PRKN: variants seen among roughly 807,000 people sequenced by gnomAD.
PRKN encodes the protein E3 ubiquitin-protein ligase parkin.
A neutral mutation model predicts 59.5 loss-of-function variants in PRKN; 56 were observed. The observed-to-expected ratio is 0.94, with a 90% CI of 0.76 to 1.18. PRKN has a LOEUF of 1.18. Ranked by LOEUF, PRKN falls within the 50% of genes most tolerant of loss-of-function variation. The probability of loss-of-function intolerance (pLI) is 0.00; values close to 1 mark genes in which losing one functional copy is unlikely to be tolerated. For missense variants in PRKN, 657 were observed against 596.4 expected, an observed-to-expected ratio of 1.10 and a Z score of -1.06; for synonymous variants, 250 against 222.1, an observed-to-expected ratio of 1.13 and a Z score of -1.12.
intron 3 of PRKN, among the ~76,000 whole-genome samples, chr6:162,241,874 T>G (rs1189446689): frequency 6.6e-6 from 1 of 152,048 alleles, no homozygotes; most frequent in African/African-American, 2.4e-5. Context: ...TCACTTTAGT[T>G]CTAGTAAAGT....
intron 2 of PRKN, among the ~76,000 whole-genome samples, chr6:162,333,607 A>G (rs1234894861): frequency 6.6e-6 from 1 of 152,174 alleles, no homozygotes; most frequent in East Asian, 1.9e-4. Flanking sequence ...TCCGACTGAT[A>G]CGCCAACTGC....
chr6:161,788,875 G>A (rs1314457898), intron 6 of PRKN, among the ~76,000 whole-genome samples: 1 of 152,060 alleles, frequency 6.6e-6, no homozygotes, highest in Non-Finnish European at 1.5e-5. Flanking sequence ...CAGTCAACTT[G>A]GATATATACC....
rs73605102 is a variant in PRKN, at chr6:161,383,291, T to A, written c.1167+3503A>T. On this transcript the variant is annotated intron_variant, in intron 10 of 11. Transcript: ENST00000366898. ...GGGTCATGAAATTTGAAGAAATAGC[T>A]TGTTTGGTTCGTGCCTTCCCACATC... Among the ~76,000 whole-genome samples, 1,372 of 152,334 alleles carry A rather than the reference T, an allele frequency of 9.0e-3. 22 individuals carry two copies. The highest frequency in any genetic ancestry group is 0.031 in the African/African-American group (1,281 of 41,564).
intron 1 of PRKN, among the ~76,000 whole-genome samples, chr6:162,586,129 G>A (rs117898491): frequency 0.013 from 2,000 of 152,256 alleles, 18 homozygotes; most frequent in Non-Finnish European, 0.022. Flanking sequence ...GAGGAGCCAG[G>A]ATTCACCCCC....
intron 4 of PRKN, among the ~76,000 whole-genome samples, chr6:162,165,585 G>C (rs1196672473): frequency 6.7e-6 from 1 of 149,622 alleles, no homozygotes; most frequent in Non-Finnish European, 1.5e-5. Context: ...GAGTCTGAAT[G>C]GAATGCCAGT....
rs1313080950 is a variant in PRKN at position 161,428,135 on chromosome 6, T to TG, written c.1084-41259dup. Among the ~76,000 whole-genome samples the TG allele has an allele frequency of 6.6e-6, 1 of 152,150 alleles. No homozygotes were observed. The highest frequency in any genetic ancestry group is 1.9e-4 in the East Asian group (1 of 5,190). ...CCTGCATCTTCTGGCACTTGCACTG[T>TG]GGGGGCCTTCCTCAAAGCCGTGCGC... is the stretch of plus-strand genomic sequence containing the variant. On this transcript the variant is annotated intron_variant, in intron 9 of 11. Coordinates refer to ENST00000366898, the MANE Select transcript of PRKN (RefSeq NM_004562.3). This position sits in a 1 kb window ranked among gnomAD's most constrained non-coding sequence, Gnocchi z 4.0.
chr6:161,894,893 A>G (rs755349657), intron 6 of PRKN, among the ~76,000 whole-genome samples: 2 of 152,184 alleles, frequency 1.3e-5, no homozygotes, highest in Non-Finnish European at 2.9e-5. Flanking sequence ...GTCCTGTTCT[A>G]AAGTCTAATT....
chr6:162,338,770 C>T (rs912308785), intron 2 of PRKN, among the ~76,000 whole-genome samples: 32 of 149,474 alleles, frequency 2.1e-4, no homozygotes, highest in East Asian at 6.2e-4. Flanking sequence ...AAGTGAGGAG[C>T]GTCTCCGCCC....
chr6:162,690,175 C>A (rs1312148281), intron 1 of PRKN, among the ~76,000 whole-genome samples: 1 of 151,698 alleles, frequency 6.6e-6, no homozygotes. Context: ...AACGAGTAAC[C>A]TCGCTTTAGC....
At chr6:162,584,631 A>G (rs982752657) in intron 1 of PRKN, among the ~76,000 whole-genome samples, 11 of 152,106 alleles carry the variant, frequency 7.2e-5, no homozygotes, top group Non-Finnish European at 1.3e-4. Context: ...AAATTAAGGG[A>G]AAAAAGCCAG....
chr6:162,422,976 A>AG (rs1345743121), intron 2 of PRKN, among the ~76,000 whole-genome samples: 4 of 151,106 alleles, frequency 2.6e-5, no homozygotes, highest in African/African-American at 7.3e-5. Flanking sequence ...AAAAAAAAAA[A>AG]AGCATCATAA....
intron 2 of PRKN, among the ~76,000 whole-genome samples, chr6:162,416,725 TACTG>T (rs554117390): frequency 1.9e-3 from 288 of 152,308 alleles, no homozygotes; most frequent in Non-Finnish European, 3.2e-3. Flanking sequence ...CTTACCTACT[TACTG>T]ACACGTGATT....
At chr6:162,359,059 C>CAAAAAAAAAAA (rs71692740) in intron 2 of PRKN, among the ~76,000 whole-genome samples, 3 of 92,634 alleles carry the variant, frequency 3.2e-5, no homozygotes, top group African/African-American at 1.5e-4. Flanking sequence ...CACACTGTGG[C>CAAAAAAAAAAA]AAAAAAAAAA....
chr6:162,230,361 G>A (rs1778370335), intron 3 of PRKN, among the ~76,000 whole-genome samples: 1 of 152,188 alleles, frequency 6.6e-6, no homozygotes. Flanking sequence ...CCAGCTCCTT[G>A]GCTAGAAGCA....
rs1375002872 is a variant in PRKN at position 161,548,966 on chromosome 6, A to G, written c.971T>C (p.Val324Ala). ...GCATAACACGCCCCCCATCTGCAGG[A>G]CACACTCCTCTGCACCATACTGCTG... ...RYQQYGAEEC[V>A]LQMGGVLCPR... Residue 324 changes from valine to alanine, a missense_variant, in exon 9 of 12, where the codon GTC (valine) becomes GCC (alanine). Val to Ala is a moderately conservative substitution (Grantham distance 64, BLOSUM62 0). Coordinates refer to ENST00000366898, the MANE Select transcript of PRKN (RefSeq NM_004562.3). This position sits in a 1 kb window ranked among gnomAD's most constrained non-coding sequence, Gnocchi z 4.2. 1.2e-5 allele frequency: 20 copies of G among 1,613,992 alleles called. No individual in the cohort carries two copies. In the Admixed American group the frequency reaches 3.3e-4, roughly 27 times the overall value.
At chr6:162,354,516 A>G (rs1784761478) in intron 2 of PRKN, among the ~76,000 whole-genome samples, 2 of 152,074 alleles carry the variant, frequency 1.3e-5, no homozygotes, top group Admixed American at 1.3e-4. Flanking sequence ...AGTATACTTT[A>G]AAAATATGGA....
intron 1 of PRKN, among the ~76,000 whole-genome samples, chr6:162,599,980 C>A (rs1024929383): frequency 6.6e-6 from 1 of 152,182 alleles, no homozygotes; most frequent in African/African-American, 2.4e-5. Flanking sequence ...TTTTTAAAAT[C>A]TATTTTTAAT....
At chr6:161,894,254 T>C (rs975073993) in intron 6 of PRKN, among the ~76,000 whole-genome samples, 5 of 152,194 alleles carry the variant, frequency 3.3e-5, no homozygotes, top group Non-Finnish European at 7.3e-5. Context: ...ATGAATTCCT[T>C]TCCTTTTCTA....
chr6:161,681,038 G>A lies in PRKN; in HGVS notation c.871+104734C>T, dbSNP rs537370728. Among the ~76,000 whole-genome samples, 8 of 152,160 alleles carry A rather than the reference G, an allele frequency of 5.3e-5. No individual in the cohort carries two copies. The East Asian group carries it at 1.5e-3, about 29-fold the overall frequency. On this transcript the variant is annotated intron_variant, in intron 7 of 11. Transcript: ENST00000366898. The stretch of plus-strand genomic sequence containing the variant: ...TGCAGTGGCACAGTCTCTGCTCACT[G>A]TAACCTCTACCGCCTGGGCTCAAGT...
Sources: allele counts gnomAD v4.1 joint callset (sites outside exome capture counted in the v4.1 genomes callset), GRCh38; gene constraint gnomAD v4.1.1; non-coding constraint Gnocchi (gnomAD v3.1); transcripts MANE v1.5; gene names NCBI Gene and HGNC (gene_info 2026-07-23, HGNC 2026-07-21).